Variants in PRKAR1A observed in about 807,000 individuals in gnomAD.
PRKAR1A encodes cAMP-dependent protein kinase type I-alpha regulatory subunit.
Under a neutral mutation model 52.0 loss-of-function variants are expected in PRKAR1A, and 3 were observed. That is an observed-to-expected ratio of 0.06 (90% CI 0.03 to 0.15). PRKAR1A has a LOEUF of 0.15. Among genes scored for constraint, PRKAR1A ranks in the 10% least tolerant of loss-of-function variants. PRKAR1A has a pLI of 1.00. For synonymous variants in PRKAR1A, 188 were observed against 168.4 expected (o/e 1.12, Z -0.90); for missense variants, 240 against 477.4 (o/e 0.50, Z 4.63).
intron 11 of PRKAR1A, chr17:68,542,687 A>G: frequency 6.2e-7 from 1 of 1,605,716 alleles, no homozygotes; most frequent in Non-Finnish European, 8.5e-7. Flanking sequence ...TCGGGCCAGT[A>G]CTCTACCTGG....
chr17:68,513,545 T>C (rs1300580721), intron 1 of PRKAR1A, among the ~76,000 whole-genome samples: 1 of 152,222 alleles, frequency 6.6e-6, no homozygotes, highest in Admixed American at 6.5e-5. Flanking sequence ...GTGTTTTGTT[T>C]TACATAGAGA....
At chr17:68,504,825 A>C in the PRKAR1A span, among the ~76,000 whole-genome samples, 1 of 152,244 alleles carries the variant, frequency 6.6e-6, no homozygotes, top group African/African-American at 2.4e-5. Flanking sequence ...AAATAATTAA[A>C]AGAGTATAAT....
At chr17:68,489,383 GTA>G in the PRKAR1A span, among the ~76,000 whole-genome samples, 4 of 38,464 alleles carry the variant, frequency 1.0e-4, 1 homozygote, top group Non-Finnish European at 1.8e-4. Flanking sequence ...TATATGGAAA[GTA>G]TATATATATA....
At chr17:68,485,143 A>C in the PRKAR1A span, among the ~76,000 whole-genome samples, 1 of 152,186 alleles carries the variant, frequency 6.6e-6, no homozygotes, top group Non-Finnish European at 1.5e-5. Flanking sequence ...TACCCACCAA[A>C]CTATCATGGA....
the PRKAR1A span, among the ~76,000 whole-genome samples, chr17:68,449,355 C>T: frequency 1.3e-5 from 2 of 152,186 alleles, no homozygotes; most frequent in African/African-American, 4.8e-5. Flanking sequence ...TTTGGCCAAG[C>T]GTGGTGGCTC....
At chr17:68,487,603 C>T in the PRKAR1A span, among the ~76,000 whole-genome samples, 1 of 152,012 alleles carries the variant, frequency 6.6e-6, no homozygotes, top group Non-Finnish European at 1.5e-5. Context: ...GAGTTCAAGA[C>T]CAGCCTGACC....
At chr17:68,474,270 G>C in the PRKAR1A span, among the ~76,000 whole-genome samples, 1 of 152,046 alleles carries the variant, frequency 6.6e-6, no homozygotes, top group Non-Finnish European at 1.5e-5. Flanking sequence ...CTTTTCCCTG[G>C]GGCTAAGTTT....
chr17:68,533,198 CCTT>C lies in PRKAR1A; in HGVS notation c.*2750_*2752del. 9.5e-7 allele frequency: 1 copy of C among 1,056,242 alleles called. No homozygotes were observed. The highest frequency in any genetic ancestry group is 1.1e-6 in the Non-Finnish European group (1 of 871,410). The allele number at this position is 1,056,242 out of a possible 1,614,324, so 65.4% of individuals were successfully genotyped here. On this transcript the variant is annotated 3_prime_UTR_variant, in exon 11 of 11. Coordinates refer to ENST00000589228, the MANE Select transcript of PRKAR1A (RefSeq NM_002734.5). Reference sequence around the variant, plus strand: ...CATATATAAAGCCTCATATATAAAGCCTTATTTCTGATGCTCTTAGATTTCTGA... The same window carrying C: ...CATATATAAAGCCTCATATATAAAGCATTTCTGATGCTCTTAGATTTCTGA...
rs1426390482 is a variant in PRKAR1A, at chr17:68,530,648, TAGAA to T, written c.*203_*206del. Reference sequence around the variant, plus strand: ...AAATGCTCATACACAGTTAAATAAATAGAAAGAGTTCTATGGAGACTTTGCTGTT... The same window carrying T: ...AAATGCTCATACACAGTTAAATAAATAGAGTTCTATGGAGACTTTGCTGTT... On this transcript the variant is annotated 3_prime_UTR_variant, in exon 11 of 11. Coordinates refer to ENST00000589228, the MANE Select transcript of PRKAR1A (RefSeq NM_002734.5). The T allele has an allele frequency of 2.8e-5, 41 of 1,478,340 alleles. No homozygotes were observed. The highest frequency in any genetic ancestry group is 2.0e-4 in the South Asian group (15 of 75,314). The allele number at this position is 1,478,340 out of a possible 1,614,324, so 91.6% of individuals were successfully genotyped here.
the PRKAR1A span, among the ~76,000 whole-genome samples, chr17:68,483,773 A>C: frequency 6.6e-6 from 1 of 151,980 alleles, no homozygotes; most frequent in Non-Finnish European, 1.5e-5. Flanking sequence ...AGGCAGGAGA[A>C]TTGCTTGAAC....
At chr17:68,420,183 C>T in the PRKAR1A span, 6 of 1,613,588 alleles carry the variant, frequency 3.7e-6, no homozygotes, top group Non-Finnish European at 5.1e-6. Flanking sequence ...GTCATTCCCT[C>T]TCTAGGTGGA....
rs76813308 is a variant in PRKAR1A at position 68,545,563 on chromosome 17, G to T, written c.974-5521G>T. ...TTCAGCAAGTCATAATCTTTTTGCT[G>T]ACTGACTGGGGTGGTGGTTGCTGAA... On this transcript the variant is annotated intron_variant, in intron 11 of 11. Transcript: ENST00000585981. Among the ~76,000 whole-genome samples, 238 of 152,306 alleles carry T rather than the reference G, an allele frequency of 1.6e-3. 1 individual carries two copies. Among genetic ancestry groups the T allele is most frequent in the Non-Finnish European group, 2.8e-3 (193 of 68,026 alleles).
the PRKAR1A span, among the ~76,000 whole-genome samples, chr17:68,435,156 G>A: frequency 3.3e-5 from 5 of 150,400 alleles, no homozygotes; most frequent in Admixed American, 6.6e-5. Flanking sequence ...GCAGTGAGCC[G>A]AGATTGCGCC....
chr17:68,524,234 G>T, intron 5 of PRKAR1A, 157 bp downstream of exon 5: 1 of 677,246 alleles, frequency 1.5e-6, no homozygotes, highest in Non-Finnish European at 2.5e-6. Flanking sequence ...TTTAAATTAA[G>T]ATTTTCTGAG....
At chr17:68,512,998 T>G (rs956513566) in intron 1 of PRKAR1A, 2 of 152,376 alleles carry the variant, frequency 1.3e-5, no homozygotes, top group Admixed American at 1.3e-4. Flanking sequence ...CTCTCCACTT[T>G]TGACGACTCG....
chr17:68,542,581 C>T, intron 11 of PRKAR1A: 2 of 829,142 alleles, frequency 2.4e-6, no homozygotes, highest in Non-Finnish European at 4.2e-6. Context: ...TACGCCCATC[C>T]CAGTAATGGA....
the PRKAR1A span, among the ~76,000 whole-genome samples, chr17:68,491,788 CA>C: frequency 3.7e-4 from 51 of 136,276 alleles, no homozygotes; most frequent in Non-Finnish European, 3.4e-4. Flanking sequence ...TGCTAACGCA[CA>C]AAAAAAAAAA....
intron 3 of PRKAR1A, 117 bp from the exon 4 acceptor site, chr17:68,523,608 C>A: frequency 1.3e-6 from 1 of 783,636 alleles, no homozygotes; most frequent in Non-Finnish European, 2.2e-6. Context: ...TGAAACACTA[C>A]AAAGCAGTCT....
intron 11 of PRKAR1A, chr17:68,542,047 C>G (rs1442859018): frequency 1.2e-6 from 2 of 1,613,996 alleles, no homozygotes; most frequent in East Asian, 2.2e-5. Context: ...GCCTGGGGGC[C>G]AGGTTGAGGG....
Sources: gnomAD v4.1 joint callset for allele counts (sites outside exome capture counted in the v4.1 genomes callset) on GRCh38, gnomAD v4.1.1 for gene constraint, MANE v1.5 for transcripts, NCBI Gene and HGNC (gene_info 2026-07-23, HGNC 2026-07-21) for gene names.